Variants in IL31RA observed in about 807,000 individuals in gnomAD.
The protein encoded by IL31RA is interleukin 31 receptor A.
A neutral mutation model predicts 83.7 loss-of-function variants in IL31RA; 66 were observed. The ratio of observed to expected loss-of-function variants is 0.79; its 90% CI spans 0.65 to 0.97. The LOEUF is 0.97. Ranked by LOEUF, IL31RA falls within the 50% of genes least tolerant of loss-of-function variation. The pLI is 0.00. For synonymous variants in IL31RA, 325 were observed against 329.0 expected, an observed-to-expected ratio of 0.99 and a Z score of 0.13; for missense variants, 798 against 919.4, an observed-to-expected ratio of 0.87 and a Z score of 1.71.
At chr5:55,853,251 T>C in intron 1 of IL31RA, 10 of 1,092,734 alleles carry the variant, frequency 9.2e-6, no homozygotes, top group Non-Finnish European at 1.1e-5. Flanking sequence ...TTCTTTTAGT[T>C]GTTTCTGGTC....
rs890260097 is a variant in IL31RA, at chr5:55,921,564, G to A, written c.*4444G>A. On this transcript the variant is annotated 3_prime_UTR_variant, in exon 15 of 15. Coordinates refer to ENST00000652347, the MANE Select transcript of IL31RA (RefSeq NM_139017.7). ...TATGGTTGTCACATTTTGCGTGACT[G>A]TGTCCCATCAAAGGTTATGCTGATT... Among the ~76,000 whole-genome samples, 1 of 152,246 alleles carries A rather than the reference G, an allele frequency of 6.6e-6. No individual in the cohort carries two copies. Among genetic ancestry groups the A allele is most frequent in the Non-Finnish European group, 1.5e-5 (1 of 68,046 alleles).
In IL31RA at chr5:55,872,349, C is replaced by T; in HGVS notation, c.352C>T (p.Pro118Ser). 1 of 1,611,876 alleles carries T rather than the reference C, an allele frequency of 6.2e-7. No homozygotes were observed. The highest frequency in any genetic ancestry group is 8.5e-7 in the Non-Finnish European group (1 of 1,178,224). Residue 118 changes from proline (P) to serine (S), a missense_variant, in exon 4 of 15, where the codon CCA becomes TCA. Physicochemically the swap from Pro to Ser is moderately conservative, Grantham distance 74. Coordinates refer to ENST00000652347, the MANE Select transcript of IL31RA (RefSeq NM_139017.7). ...ENRASCSFFL[P>S]RITIPDNYTI... ...TCGTGCTTCGTGCTCTTTTTTCCTT[C>T]CAAGAATAACGATCCCAGATAATTA...
intron 4 of IL31RA, among the ~76,000 whole-genome samples, chr5:55,874,262 A>G (rs1443336335): frequency 6.6e-6 from 1 of 152,064 alleles, no homozygotes; most frequent in Non-Finnish European, 1.5e-5. Context: ...ATTCCATTGA[A>G]CTATATTTTT....
chr5:55,847,440 G>A (rs1011375363), upstream of IL31RA, among the ~76,000 whole-genome samples: 1 of 151,760 alleles, frequency 6.6e-6, no homozygotes, highest in African/African-American at 2.4e-5. Context: ...AAATTAGGTG[G>A]GCGTGGTGGT....
intron 1 of IL31RA, among the ~76,000 whole-genome samples, chr5:55,857,617 CT>C (rs1265919492): frequency 6.6e-6 from 1 of 152,200 alleles, no homozygotes; most frequent in African/African-American, 2.4e-5. Context: ...TATGAGACTA[CT>C]ATCCAGGCTT....
chr5:55,846,438 G>A (rs903994189), upstream of IL31RA, among the ~76,000 whole-genome samples: 1 of 152,156 alleles, frequency 6.6e-6, no homozygotes, highest in African/African-American at 2.4e-5. Flanking sequence ...TTAAGACCTG[G>A]ATAAATTCTA....
intron 5 of IL31RA, among the ~76,000 whole-genome samples, chr5:55,884,716 CA>C (rs1747473168): frequency 1.3e-5 from 2 of 152,198 alleles, no homozygotes; most frequent in African/African-American, 4.8e-5. Flanking sequence ...CCATCATGAG[CA>C]GACACATTAT....
intron 4 of IL31RA, among the ~76,000 whole-genome samples, chr5:55,881,887 A>G (rs1301984379): frequency 2.6e-5 from 4 of 151,308 alleles, no homozygotes; most frequent in Non-Finnish European, 5.9e-5. Flanking sequence ...TAATTTTTGT[A>G]TTTTTAGTAG....
intron 14 of IL31RA, among the ~76,000 whole-genome samples, chr5:55,915,804 A>C (rs1305121267): frequency 2.0e-5 from 3 of 152,162 alleles, no homozygotes; most frequent in African/African-American, 7.2e-5. Context: ...TCTGATAACT[A>C]ACATGCTTTT....
chr5:55,879,151 C>T (rs1747033105), intron 4 of IL31RA, among the ~76,000 whole-genome samples: 2 of 152,164 alleles, frequency 1.3e-5, no homozygotes, highest in South Asian at 2.1e-4. Context: ...AGAGACCAGT[C>T]GTTTAGTCTG....
At chr5:55,910,941 G>A (rs1359968866) in intron 12 of IL31RA, among the ~76,000 whole-genome samples, 1 of 152,170 alleles carries the variant, frequency 6.6e-6, no homozygotes, top group Non-Finnish European at 1.5e-5. Flanking sequence ...AGGAGGAGGT[G>A]TCAAATTAAT....
At chr5:55,879,244 T>G (rs1747039194) in intron 4 of IL31RA, among the ~76,000 whole-genome samples, 1 of 151,924 alleles carries the variant, frequency 6.6e-6, no homozygotes, top group Non-Finnish European at 1.5e-5. Flanking sequence ...GATGCCACCT[T>G]CTTCAAACCA....
At position 55,916,935 on chromosome 5, in the gene IL31RA, C is replaced by G; in HGVS notation, c.2110C>G (p.Arg704Gly). Residue 704 changes from arginine to glycine, a missense_variant, in exon 15 of 15, where the codon CGT becomes GGT. Arg to Gly is a moderately radical substitution (Grantham distance 125). Transcript: ENST00000652347. Reference sequence around the variant, plus strand: ...TCCGCCCAGAAAATCCCAATACCTACGTTCGAGGATGCCAGAGGGGACCCG... The same window carrying G: ...TCCGCCCAGAAAATCCCAATACCTAGGTTCGAGGATGCCAGAGGGGACCCG... ...EIPPRKSQYL[R>G]SRMPEGTRPE... 3 of 1,613,904 alleles carry G rather than the reference C, an allele frequency of 1.9e-6. No individual in the cohort carries two copies. Among genetic ancestry groups the G allele is most frequent in the Non-Finnish European group, 2.5e-6 (3 of 1,179,868 alleles).
chr5:55,869,237 G>A (rs752094272), intron 3 of IL31RA, among the ~76,000 whole-genome samples: 5 of 152,072 alleles, frequency 3.3e-5, no homozygotes, highest in Non-Finnish European at 7.3e-5. Flanking sequence ...ATTCTTTCTG[G>A]ATCCAGATAT....
intron 1 of IL31RA, among the ~76,000 whole-genome samples, chr5:55,854,564 G>A (rs973404470): frequency 6.6e-6 from 1 of 151,972 alleles, no homozygotes; most frequent in Admixed American, 6.6e-5. Context: ...GGCCAACATG[G>A]CGAAACTCTG....
At chr5:55,851,848 G>A (rs1745089117) in intron 1 of IL31RA, among the ~76,000 whole-genome samples, 1 of 152,234 alleles carries the variant, frequency 6.6e-6, no homozygotes, top group South Asian at 2.1e-4. Flanking sequence ...GTTCAGTTAT[G>A]GCTTGATTCA....
chr5:55,894,809 C>T (rs892498132), intron 6 of IL31RA, among the ~76,000 whole-genome samples: 9 of 152,160 alleles, frequency 5.9e-5, no homozygotes, highest in Non-Finnish European at 1.0e-4. Context: ...CTCCGCTTCC[C>T]GGGTTCAAGC....
chr5:55,878,854 G>A (rs1747018629), intron 4 of IL31RA, among the ~76,000 whole-genome samples: 1 of 152,030 alleles, frequency 6.6e-6, no homozygotes, highest in South Asian at 2.1e-4. Flanking sequence ...ATTTCACCAT[G>A]CTGCCCAGGC....
rs1286869782 is a variant in IL31RA, at chr5:55,918,351, A to G, written c.*1231A>G. Among the ~76,000 whole-genome samples, 1 of 152,234 alleles carries G rather than the reference A, an allele frequency of 6.6e-6. No homozygotes were observed. The highest frequency in any genetic ancestry group is 1.5e-5 in the Non-Finnish European group (1 of 68,022). On this transcript the variant is annotated 3_prime_UTR_variant, in exon 15 of 15. Coordinates refer to ENST00000652347, the MANE Select transcript of IL31RA (RefSeq NM_139017.7). ...AGGAATCAGTACTAGGATTGCAGGC[A>G]TGAACTTCGCAAGCCACCCACTCAG... is the stretch of plus-strand genomic sequence containing the variant.
Sources: allele counts gnomAD v4.1 joint callset (sites outside exome capture counted in the v4.1 genomes callset), GRCh38; gene constraint gnomAD v4.1.1; transcripts MANE v1.5; gene names NCBI Gene and HGNC (gene_info 2026-07-23, HGNC 2026-07-21).